MAML2: variants seen among roughly 807,000 people sequenced by gnomAD.
MAML2 encodes mastermind like transcriptional coactivator 2.
In MAML2, 22 loss-of-function variants were observed where a neutral mutation model predicts 96.1. The observed-to-expected ratio is 0.23, with a 90% confidence interval of 0.16 to 0.33. The LOEUF (loss-of-function observed/expected upper bound fraction) is 0.33, where lower values mean the gene tolerates loss of function less well. Ranked by LOEUF, MAML2 falls within the 10% of genes least tolerant of loss-of-function variation. The pLI is 1.00. For missense variants in MAML2, 1,367 were observed against 1,392.4 expected, an observed-to-expected ratio of 0.98 and a Z score of 0.29; for synonymous variants, 561 against 521.3, an observed-to-expected ratio of 1.08 and a Z score of -1.04.
intron 1 of MAML2, among the ~76,000 whole-genome samples, chr11:96,120,510 T>C (rs1484553856): frequency 6.6e-6 from 1 of 152,230 alleles, no homozygotes; most frequent in East Asian, 1.9e-4. Flanking sequence ...GGTGACACTT[T>C]ACTCTTCCAT....
intron 2 of MAML2, among the ~76,000 whole-genome samples, chr11:96,077,511 G>A (rs150020315): frequency 0.012 from 1,849 of 152,200 alleles, 47 homozygotes; most frequent in African/African-American, 0.042. Flanking sequence ...ATGAGCCACC[G>A]CAACTGGCCT....
chr11:96,211,958 C>T (rs576049561), intron 1 of MAML2, among the ~76,000 whole-genome samples: 5 of 151,912 alleles, frequency 3.3e-5, no homozygotes, highest in Middle Eastern at 3.4e-3. Flanking sequence ...GCTGAACTGA[C>T]GCAACTGTAT....
chr11:96,288,335 A>G (rs192794039), intron 1 of MAML2, among the ~76,000 whole-genome samples: 1,928 of 152,252 alleles, frequency 0.013, 33 homozygotes, highest in African/African-American at 0.042. Flanking sequence ...TGAGGTCAGG[A>G]GTTTGAGACC....
chr11:96,209,746 T>C (rs565616219), intron 1 of MAML2, among the ~76,000 whole-genome samples: 1 of 152,332 alleles, frequency 6.6e-6, no homozygotes, highest in East Asian at 1.9e-4. Flanking sequence ...TTATTTTGAG[T>C]GCATTTCCAC....
chr11:96,143,034 C>T (rs1860760519), intron 1 of MAML2, among the ~76,000 whole-genome samples: 1 of 152,124 alleles, frequency 6.6e-6, no homozygotes, highest in Non-Finnish European at 1.5e-5. Context: ...ATAGCAATAA[C>T]CTTTTAAAAC....
chr11:96,236,766 A>C (rs956995334), intron 1 of MAML2, among the ~76,000 whole-genome samples: 3 of 152,216 alleles, frequency 2.0e-5, no homozygotes, highest in Non-Finnish European at 4.4e-5. Flanking sequence ...GGATGTTATC[A>C]ACCCTACAGA....
chr11:96,147,987 C>T (rs1472965741), intron 1 of MAML2, among the ~76,000 whole-genome samples: 1 of 152,160 alleles, frequency 6.6e-6, no homozygotes, highest in Non-Finnish European at 1.5e-5. Context: ...GAGTAAAATG[C>T]TGGGTGTTTA....
chr11:95,985,428 A>G (rs1591077266), intron 4 of MAML2, 103 bp downstream of exon 4: 2 of 662,242 alleles, frequency 3.0e-6, no homozygotes, highest in East Asian at 2.8e-5. Flanking sequence ...AGAAATTCTA[A>G]GAAAGATATT....
At chr11:96,041,740 T>C (rs912753961) in intron 2 of MAML2, among the ~76,000 whole-genome samples, 6 of 151,950 alleles carry the variant, frequency 3.9e-5, no homozygotes, top group Admixed American at 2.6e-4. Flanking sequence ...TTTTTTTTTT[T>C]CTGAAATGCC....
intron 2 of MAML2, among the ~76,000 whole-genome samples, chr11:96,022,928 T>C (rs1565192028): frequency 6.6e-6 from 1 of 152,214 alleles, no homozygotes; most frequent in Admixed American, 6.5e-5. Context: ...AAACCAGTGA[T>C]GATGGTATCT....
At chr11:96,238,270 G>A (rs1160564675) in intron 1 of MAML2, among the ~76,000 whole-genome samples, 2 of 152,326 alleles carry the variant, frequency 1.3e-5, no homozygotes, top group African/African-American at 4.8e-5. Context: ...TGAAGGGCTT[G>A]TATAAAGGAG....
At chr11:96,146,441 C>G (rs1285326797) in intron 1 of MAML2, among the ~76,000 whole-genome samples, 1 of 152,130 alleles carries the variant, frequency 6.6e-6, no homozygotes, top group Non-Finnish European at 1.5e-5. Context: ...GGAGGCAGGA[C>G]AGGGGACAAA....
At position 96,065,336 on chromosome 11, in the gene MAML2, T is replaced by A. The variant is rs113343817; in HGVS notation, c.2139+26556A>T. On this transcript the variant is annotated intron_variant, in intron 2 of 4. Transcript: ENST00000524717. ...CATATCAGGGCAAAGTATGTGATTT[T>A]AAAAAAATATCTCCTGTGTCAGTCC... Among the ~76,000 whole-genome samples the A allele has an allele frequency of 9.9e-3, 1,502 of 152,192 alleles. 20 individuals are homozygous for A. The highest frequency in any genetic ancestry group is 0.033 in the African/African-American group (1,386 of 41,502).
At chr11:96,197,115 G>C (rs2135926754) in intron 1 of MAML2, among the ~76,000 whole-genome samples, 1 of 152,230 alleles carries the variant, frequency 6.6e-6, no homozygotes, top group African/African-American at 2.4e-5. Flanking sequence ...GGAGGCCAAA[G>C]CTACTCCTGT....
chr11:96,011,190 C>A (rs1323000358), intron 2 of MAML2, among the ~76,000 whole-genome samples: 1 of 152,152 alleles, frequency 6.6e-6, no homozygotes, highest in Non-Finnish European at 1.5e-5. Context: ...AATAGAACTA[C>A]CATTTGACCC....
At chr11:96,290,500 A>G (rs1425826114) in intron 1 of MAML2, among the ~76,000 whole-genome samples, 1 of 152,230 alleles carries the variant, frequency 6.6e-6, no homozygotes, top group Non-Finnish European at 1.5e-5. Flanking sequence ...AGCATTGAGT[A>G]GCCAAACTGA....
At position 96,093,043 on chromosome 11, in the gene MAML2, T is replaced by C. The variant is rs1859757186; in HGVS notation, c.988A>G (p.Ile330Val). The C allele has an allele frequency of 6.2e-7, 1 of 1,613,910 alleles. No individual in the cohort carries two copies. The highest frequency in any genetic ancestry group is 8.5e-7 in the Non-Finnish European group (1 of 1,179,902). ...PMSDLELENM[I>V]NATIKQDDPF... is the part of the protein sequence containing the mutation. ...TCATCCTGCTTTATGGTGGCATTGA[T>C]CATGTTCTCCAGTTCAAGGTCACTC... Residue 330 changes from isoleucine (I) to valine (V), a missense_variant, in exon 2 of 5, where the codon ATC becomes GTC. Transcript: ENST00000524717.
At chr11:95,988,922 A>C (rs1290738953) in intron 3 of MAML2, among the ~76,000 whole-genome samples, 1 of 152,208 alleles carries the variant, frequency 6.6e-6, no homozygotes, top group Non-Finnish European at 1.5e-5. Context: ...CATCTGTTAT[A>C]GTACATATCT....
chr11:96,224,345 G>A (rs567191499), intron 1 of MAML2, among the ~76,000 whole-genome samples: 5 of 152,064 alleles, frequency 3.3e-5, no homozygotes, highest in South Asian at 2.1e-4. Context: ...CCTTGTTACC[G>A]TATTCAAGGG....
Sources: gnomAD v4.1 joint callset for allele counts (sites outside exome capture counted in the v4.1 genomes callset) on GRCh38, gnomAD v4.1.1 for gene constraint, MANE v1.5 for transcripts, NCBI Gene and HGNC (gene_info 2026-07-23, HGNC 2026-07-21) for gene names.